PPP2R2B: variants seen among roughly 807,000 people sequenced by gnomAD.
PPP2R2B encodes protein phosphatase 2 regulatory subunit Bbeta, also known as serine/threonine-protein phosphatase 2A 55 kDa regulatory subunit B beta isoform.
In PPP2R2B, 5 loss-of-function variants were observed where a neutral mutation model predicts 46.0. That is an observed-to-expected ratio of 0.11 (90% CI 0.06 to 0.23). The LOEUF is 0.23. PPP2R2B is among the 10% of genes least tolerant of loss of function. PPP2R2B has a pLI of 1.00. For synonymous variants in PPP2R2B, 215 were observed against 206.7 expected (o/e 1.04, Z -0.34); for missense variants, 367 against 575.0 (o/e 0.64, Z 3.70).
intron 1 of PPP2R2B, among the ~76,000 whole-genome samples, chr5:146,924,317 AAGCACAAAGTC>A (rs1308175138): frequency 6.6e-6 from 1 of 152,198 alleles, no homozygotes. Flanking sequence ...TGCAACTGAA[AAGCACAAAGTC>A]AGCACAAATA....
At chr5:146,859,639 C>T (rs1193905963) in intron 2 of PPP2R2B, among the ~76,000 whole-genome samples, 1 of 152,100 alleles carries the variant, frequency 6.6e-6, no homozygotes, top group African/African-American at 2.4e-5. Flanking sequence ...AGTCAAGAGC[C>T]AGTAAGCGTG....
At chr5:146,686,498 T>C (rs1251603099) in intron 5 of PPP2R2B, among the ~76,000 whole-genome samples, 1 of 152,200 alleles carries the variant, frequency 6.6e-6, no homozygotes, top group Admixed American at 6.5e-5. Flanking sequence ...ATGAGGACTA[T>C]GTGATATTAA....
chr5:146,589,022 T>C lies in PPP2R2B; in HGVS notation c.*925A>G, dbSNP rs1160880416. The C allele has an allele frequency of 6.6e-6, 1 of 152,176 alleles. No homozygotes were observed. Among genetic ancestry groups the C allele is most frequent in the Non-Finnish European group, 1.5e-5 (1 of 68,062 alleles). 9.4% of individuals were successfully genotyped at this position (152,176 alleles called of 1,614,324 possible). A position where few individuals can be genotyped will look rare whatever the true frequency, so the allele number is the denominator to read the frequency against. On this transcript the variant is annotated 3_prime_UTR_variant, in exon 10 of 10. Transcript: ENST00000394411. ...AGGGGTGGTGGCACTGCTTCCAACT[T>C]ACTGCTTCATTTAGAACACCAGATA...
chr5:146,968,456 T>C (rs1320518013), intron 1 of PPP2R2B, among the ~76,000 whole-genome samples: 9 of 152,194 alleles, frequency 5.9e-5, no homozygotes, highest in African/African-American at 2.2e-4. Context: ...ACTGGCTTGC[T>C]ATGTGTCGGG....
chr5:146,673,990 C>A (rs991317491), intron 5 of PPP2R2B, among the ~76,000 whole-genome samples: 3 of 152,160 alleles, frequency 2.0e-5, no homozygotes, highest in African/African-American at 7.2e-5. Flanking sequence ...GGCAAATAAA[C>A]TCTGACCATA....
At chr5:146,917,270 T>C (rs1437793177) in intron 1 of PPP2R2B, among the ~76,000 whole-genome samples, 3 of 152,218 alleles carry the variant, frequency 2.0e-5, no homozygotes, top group Admixed American at 1.3e-4. Flanking sequence ...ATAAAGCCTT[T>C]GCCAGGCCCA....
At chr5:146,937,686 C>T (rs149247090) in intron 1 of PPP2R2B, among the ~76,000 whole-genome samples, 5 of 152,136 alleles carry the variant, frequency 3.3e-5, no homozygotes, top group Admixed American at 6.5e-5. Flanking sequence ...TACACCTTCA[C>T]GGAGGCTTAG....
intron 2 of PPP2R2B, among the ~76,000 whole-genome samples, chr5:146,724,834 A>G (rs944112024): frequency 5.9e-5 from 9 of 152,264 alleles, no homozygotes; most frequent in South Asian, 2.1e-4. Context: ...TCTAGCTTAC[A>G]TAATTCTTTA....
In PPP2R2B at chr5:146,698,317, A is replaced by AAT. The variant is rs35533710; in HGVS notation, c.169-175_169-174dup. On this transcript the variant is annotated intron_variant, in intron 3 of 9. Transcript: ENST00000394411. ...ACCTCTGAAAAAAAAAAAAAAAAAA[A>AAT]ATATATATATATATATATATATATA... is the stretch of plus-strand genomic sequence containing the variant. 9.7e-3 allele frequency among the ~76,000 whole-genome samples: 832 copies of AAT among 85,602 alleles called. 23 individuals carry two copies. The highest frequency in any genetic ancestry group is 0.012 in the Non-Finnish European group (576 of 49,680). 56.2% of individuals were successfully genotyped at this position (85,602 alleles called of 152,430 possible). A position where few individuals can be genotyped will look rare whatever the true frequency, so the allele number is the denominator to read the frequency against.
At chr5:147,056,163 C>A, upstream of PPP2R2B, 1 of 995,342 alleles carries the variant, frequency 1.0e-6, no homozygotes, top group Non-Finnish European at 1.2e-6. Context: ...AAGTGACCAT[C>A]TCTTATTTAG....
chr5:146,698,725 G>A (rs1399033677), intron 3 of PPP2R2B, among the ~76,000 whole-genome samples: 1 of 151,772 alleles, frequency 6.6e-6, no homozygotes, highest in Non-Finnish European at 1.5e-5. Context: ...GAGCAGATTT[G>A]GGCATCAGAT....
chr5:146,911,311 T>C (rs1277636689), intron 1 of PPP2R2B, among the ~76,000 whole-genome samples: 2 of 152,212 alleles, frequency 1.3e-5, no homozygotes, highest in Non-Finnish European at 2.9e-5. Flanking sequence ...CTTGAACTCC[T>C]GACCTTGTGA....
intron 2 of PPP2R2B, among the ~76,000 whole-genome samples, chr5:146,872,566 T>C (rs1761676940): frequency 6.6e-6 from 1 of 152,196 alleles, no homozygotes; most frequent in Admixed American, 6.5e-5. Flanking sequence ...GTTTCCCCTT[T>C]CTTGAGCTTA....
At position 146,649,628 on chromosome 5, in the gene PPP2R2B, T is replaced by G. The variant is rs1775819584; in HGVS notation, c.625+919A>C. 3.9e-5 allele frequency among the ~76,000 whole-genome samples: 6 copies of G among 152,118 alleles called. No homozygotes were observed. The South Asian group carries it at 1.3e-3, about 32-fold the overall frequency. ...CCTGGCTAATTTCTTTTTTGTATTT[T>G]TAGTAAAGTTGGGGCCTTGCCACGT... On this transcript the variant is annotated intron_variant, in intron 6 of 9. Transcript: ENST00000394411.
chr5:146,933,919 A>G (rs911184051), intron 1 of PPP2R2B, among the ~76,000 whole-genome samples: 7 of 146,558 alleles, frequency 4.8e-5, no homozygotes, highest in Non-Finnish European at 1.0e-4. Flanking sequence ...CCTATGAGTG[A>G]GAACATGCGG....
intron 2 of PPP2R2B, among the ~76,000 whole-genome samples, chr5:147,062,910 T>C (rs1185962082): frequency 7.2e-6 from 1 of 139,098 alleles, no homozygotes; most frequent in Non-Finnish European, 1.5e-5. Context: ...TAGGACATGG[T>C]GCCAAGGACT....
intron 1 of PPP2R2B, among the ~76,000 whole-genome samples, chr5:147,032,045 G>T (rs1755810271): frequency 6.6e-6 from 1 of 152,210 alleles, no homozygotes; most frequent in African/African-American, 2.4e-5. Flanking sequence ...ATAAATAGCT[G>T]GGACCTAATT....
chr5:146,638,191 C>CT, intron 7 of PPP2R2B, 60 bp downstream of exon 7: 1 of 1,543,866 alleles, frequency 6.5e-7, no homozygotes, highest in African/African-American at 1.4e-5. Flanking sequence ...CTTCCAGGCT[C>CT]TCCCCCAGCA....
intron 1 of PPP2R2B, among the ~76,000 whole-genome samples, chr5:146,975,563 T>C (rs1414208165): frequency 6.6e-6 from 1 of 152,240 alleles, no homozygotes; most frequent in Non-Finnish European, 1.5e-5. Context: ...CAATTTTTAA[T>C]ATTTTGAGAA....
Sources: gnomAD v4.1 joint callset for allele counts (sites outside exome capture counted in the v4.1 genomes callset) on GRCh38, gnomAD v4.1.1 for gene constraint, MANE v1.5 for transcripts, NCBI Gene and HGNC (gene_info 2026-07-23, HGNC 2026-07-21) for gene names.